The following IL1RL2 variants were observed in gnomAD, a reference collection of about 807,000 sequenced individuals.
IL1RL2 encodes interleukin-1 receptor-like 2.
Under a neutral mutation model 66.8 loss-of-function variants are expected in IL1RL2, and 68 were observed. The ratio of observed to expected loss-of-function variants is 1.02; its 90% CI spans 0.84 to 1.25. IL1RL2 has a LOEUF of 1.25. Among genes scored for constraint, IL1RL2 ranks in the 50% most tolerant of loss-of-function variants. The pLI, the probability that IL1RL2 is intolerant of heterozygous loss-of-function variation, is 0.00. For missense variants in IL1RL2, 729 were observed against 709.3 expected (o/e 1.03, Z -0.32); for synonymous variants, 305 against 264.6 (o/e 1.15, Z -1.48).
rs367797166 is a variant in IL1RL2, at chr2:102,239,259, C to G, written c.*18C>G. 9.3e-6 allele frequency: 15 copies of G among 1,611,946 alleles called. No homozygotes were observed. The highest frequency in any genetic ancestry group is 1.3e-5 in the Non-Finnish European group (15 of 1,177,988). ...CTGGCTAAGACTTGCTGGACTGACA[C>G]CTATGGCTGGAAGATGACTTGTTTT... On this transcript the variant is annotated 3_prime_UTR_variant, in exon 12 of 12. Transcript: ENST00000264257.
intron 4 of IL1RL2, among the ~76,000 whole-genome samples, chr2:102,194,589 CT>C (rs1302242227): frequency 6.6e-6 from 1 of 152,102 alleles, no homozygotes; most frequent in Non-Finnish European, 1.5e-5. Flanking sequence ...TACTATTAGT[CT>C]TTTTAATTTT....
intron 9 of IL1RL2, among the ~76,000 whole-genome samples, chr2:102,231,205 T>A (rs1402347813): frequency 6.6e-6 from 1 of 152,216 alleles, no homozygotes; most frequent in Non-Finnish European, 1.5e-5. Flanking sequence ...TTCCATGCCC[T>A]TCTGAAGCTG....
At chr2:102,228,200 T>C (rs983703134) in intron 9 of IL1RL2, among the ~76,000 whole-genome samples, 1 of 152,230 alleles carries the variant, frequency 6.6e-6, no homozygotes, top group Non-Finnish European at 1.5e-5. Context: ...CCCTGTAATA[T>C]CTCTGTGTGT....
chr2:102,219,111 A>G, intron 7 of IL1RL2, 29 bp downstream of exon 7: 1 of 1,612,674 alleles, frequency 6.2e-7, no homozygotes, highest in Non-Finnish European at 8.5e-7. Context: ...TGACTTCTCT[A>G]AACGCTAGCA....
chr2:102,242,820 G>A (rs1422609408), downstream of IL1RL2, among the ~76,000 whole-genome samples: 1 of 152,218 alleles, frequency 6.6e-6, no homozygotes, highest in Non-Finnish European at 1.5e-5. Context: ...TCACATGGAT[G>A]TTTAGGTTTG....
At chr2:102,223,152 C>T (rs2104848457) in intron 8 of IL1RL2, among the ~76,000 whole-genome samples, 1 of 152,266 alleles carries the variant, frequency 6.6e-6, no homozygotes, top group East Asian at 1.9e-4. Context: ...CTCATTTTAT[C>T]TCAAATGTAG....
chr2:102,192,881 T>C (rs1687355399), intron 4 of IL1RL2, among the ~76,000 whole-genome samples: 1 of 152,236 alleles, frequency 6.6e-6, no homozygotes. Context: ...TTTCTTACTT[T>C]CTCTTGTGTG....
chr2:102,222,967 T>C lies in IL1RL2; in HGVS notation c.992-2931T>C, dbSNP rs34675594. On this transcript the variant is annotated intron_variant, in intron 8 of 11. Transcript: ENST00000264257. ...TAGCGATTTCCATCCCAATACTGACTTGTTGAACTTTTTGAAAGCACTGTG... is the reference window on the plus strand; with the variant it reads ...TAGCGATTTCCATCCCAATACTGACCTGTTGAACTTTTTGAAAGCACTGTG... Among the ~76,000 whole-genome samples, 1,074 of 152,320 alleles carry C rather than the reference T, an allele frequency of 7.1e-3. 5 individuals carry two copies. The highest frequency in any genetic ancestry group is 0.017 in the Middle Eastern group (5 of 294).
intron 5 of IL1RL2, among the ~76,000 whole-genome samples, chr2:102,208,365 A>G (rs1688876256): frequency 1.3e-5 from 2 of 152,212 alleles, no homozygotes; most frequent in Non-Finnish European, 2.9e-5. Context: ...CAACTTATTC[A>G]AGGTCACAAA....
rs1249381528 is a variant in IL1RL2, at chr2:102,187,208, C to CA, written c.-13+123dup. The CA allele has an allele frequency of 3.3e-6, 4 of 1,219,316 alleles. No individual in the cohort carries two copies. The Admixed American group carries it at 1.0e-4, about 32-fold the overall frequency. The allele number at this position is 1,219,316 out of a possible 1,614,324, so 75.5% of individuals were successfully genotyped here. A position where few individuals can be genotyped will look rare whatever the true frequency, so the allele number is the denominator to read the frequency against. ...ACCGCAGGCCAGGGATCAGGCCCCC[C>CA]AGGCCGGCCCCCGACCGGCTAGGTG... On this transcript the variant is annotated intron_variant, in intron 1 of 11. Coordinates refer to ENST00000264257, the MANE Select transcript of IL1RL2 (RefSeq NM_003854.4).
chr2:102,229,217 C>T (rs1295544791), intron 9 of IL1RL2, among the ~76,000 whole-genome samples: 1 of 152,118 alleles, frequency 6.6e-6, no homozygotes, highest in Non-Finnish European at 1.5e-5. Context: ...TTGCCAAGAT[C>T]AAGAAGGACA....
At position 102,215,773 on chromosome 2, in the gene IL1RL2, C is replaced by A. The variant is rs556052436; in HGVS notation, c.725-3180C>A. Among the ~76,000 whole-genome samples the A allele has an allele frequency of 2.0e-5, 3 of 152,220 alleles. No individual in the cohort carries two copies. The South Asian group carries it at 6.2e-4, about 32-fold the overall frequency. ...AAGATACTGCAGATGTGGATTGTAG[C>A]TGAAGAAACTGCATGAAGACTACAC... On this transcript the variant is annotated intron_variant, in intron 6 of 11. Coordinates refer to ENST00000264257, the MANE Select transcript of IL1RL2 (RefSeq NM_003854.4).
chr2:102,206,974 C>A (rs1688760521), intron 5 of IL1RL2, among the ~76,000 whole-genome samples: 1 of 152,214 alleles, frequency 6.6e-6, no homozygotes, highest in Non-Finnish European at 1.5e-5. Flanking sequence ...GTCCTTCCCA[C>A]TCTTCCCTCC....
chr2:102,225,037 G>T (rs1484660741), intron 8 of IL1RL2, among the ~76,000 whole-genome samples: 1 of 152,128 alleles, frequency 6.6e-6, no homozygotes, highest in Non-Finnish European at 1.5e-5. Context: ...TTTTCTTCCT[G>T]TCTCTCTCTT....
At position 102,235,407 on chromosome 2, in the gene IL1RL2, G is replaced by A; in HGVS notation, c.1678+130G>A. ...CTCTGAAGCTGGCAGTTGCGTACTA[G>A]TGAGAGGATCTGTTGTGTTTGTTGT... On this transcript the variant is annotated intron_variant, in intron 11 of 11. Transcript: ENST00000264257. The A allele has an allele frequency of 3.4e-6, 5 of 1,468,116 alleles. No homozygotes were observed. The South Asian group carries it at 5.5e-5, about 16-fold the overall frequency. The allele number at this position is 1,468,116 out of a possible 1,614,324, so 90.9% of individuals were successfully genotyped here.
In IL1RL2 at chr2:102,187,844, C is replaced by T; in HGVS notation, c.-12-12C>T. On this transcript the variant is annotated splice_polypyrimidine_tract_variant and intron_variant, in intron 1 of 11. Coordinates refer to ENST00000264257, the MANE Select transcript of IL1RL2 (RefSeq NM_003854.4). ...CGTCCTCCCCTCCCACCCTCTTCTC[C>T]CTTCCTTGCAGCCCGGTTTGGGGAT... 1 of 1,613,798 alleles carries T rather than the reference C, an allele frequency of 6.2e-7. No individual in the cohort carries two copies. The highest frequency in any genetic ancestry group is 8.5e-7 in the Non-Finnish European group (1 of 1,179,680).
intron 5 of IL1RL2, among the ~76,000 whole-genome samples, chr2:102,206,574 CCAAA>C (rs984768827): frequency 6.6e-6 from 1 of 152,188 alleles, no homozygotes; most frequent in Non-Finnish European, 1.5e-5. Context: ...TTACTTTCTC[CCAAA>C]CAAACAGAGT....
chr2:102,217,412 C>A (rs1689706298), intron 6 of IL1RL2, among the ~76,000 whole-genome samples: 1 of 151,992 alleles, frequency 6.6e-6, no homozygotes, highest in Non-Finnish European at 1.5e-5. Context: ...AAGAAACAGT[C>A]CTAAAATTTG....
intron 8 of IL1RL2, among the ~76,000 whole-genome samples, chr2:102,220,603 G>T (rs1186050832): frequency 6.6e-6 from 1 of 152,150 alleles, no homozygotes; most frequent in Non-Finnish European, 1.5e-5. Context: ...ATCAGGGGAG[G>T]TGTGTGAAAT....
Sources: gnomAD v4.1 joint callset for allele counts (sites outside exome capture counted in the v4.1 genomes callset) on GRCh38, gnomAD v4.1.1 for gene constraint, MANE v1.5 for transcripts, NCBI Gene and HGNC (gene_info 2026-07-23, HGNC 2026-07-21) for gene names.